The following WWOX variants were observed in gnomAD, a reference collection of about 807,000 sequenced individuals.
WWOX encodes WW domain containing oxidoreductase.
A neutral mutation model predicts 46.2 loss-of-function variants in WWOX; 69 were observed. The ratio of observed to expected loss-of-function variants is 1.49; its 90% CI spans 1.23 to 1.82. The LOEUF is 1.82. WWOX is among the 40% of genes most tolerant of loss of function. The probability of loss-of-function intolerance (pLI) is 0.00; values close to 1 mark genes in which losing one functional copy is unlikely to be tolerated. For missense variants in WWOX, 919 were observed against 542.6 expected, an observed-to-expected ratio of 1.69 and a Z score of -6.89; for synonymous variants, 359 against 202.6, an observed-to-expected ratio of 1.77 and a Z score of -6.56.
chr16:78,515,171 C>T (rs962459091), intron 8 of WWOX, among the ~76,000 whole-genome samples: 5 of 152,176 alleles, frequency 3.3e-5, no homozygotes, highest in African/African-American at 4.8e-5. Flanking sequence ...TTACAGTGAA[C>T]CGAGATCGTG....
At chr16:78,431,376 T>G (rs1182503446) in intron 7 of WWOX, among the ~76,000 whole-genome samples, 1 of 152,222 alleles carries the variant, frequency 6.6e-6, no homozygotes, top group Non-Finnish European at 1.5e-5. Context: ...TAATTTTTAA[T>G]CTAGAAAAGA....
chr16:78,317,351 G>A (rs2151880583), intron 5 of WWOX, among the ~76,000 whole-genome samples: 1 of 152,194 alleles, frequency 6.6e-6, no homozygotes, highest in African/African-American at 2.4e-5. Flanking sequence ...TTCTTCCCCA[G>A]GGGTGATTGT....
intron 8 of WWOX, among the ~76,000 whole-genome samples, chr16:79,161,328 A>G (rs1327979652): frequency 6.6e-6 from 1 of 152,122 alleles, no homozygotes; most frequent in East Asian, 1.9e-4. Context: ...TCTAGGATGG[A>G]CGTCATTGTA....
At chr16:78,810,425 A>C (rs1372773517) in intron 8 of WWOX, among the ~76,000 whole-genome samples, 1 of 152,234 alleles carries the variant, frequency 6.6e-6, no homozygotes, top group Non-Finnish European at 1.5e-5. Context: ...GGCAGTTCAT[A>C]TAAGCTATCA....
intron 8 of WWOX, among the ~76,000 whole-genome samples, chr16:78,795,737 C>A (rs969590194): frequency 6.6e-6 from 1 of 152,090 alleles, no homozygotes; most frequent in Non-Finnish European, 1.5e-5. Context: ...ATTTCTCAAC[C>A]TCAGGTTTTT....
chr16:78,658,222 A>C (rs2047125313), intron 8 of WWOX, among the ~76,000 whole-genome samples: 1 of 152,206 alleles, frequency 6.6e-6, no homozygotes, highest in South Asian at 2.1e-4. Flanking sequence ...CCCCTGCTTT[A>C]TCCTCTTACA....
chr16:78,714,862 C>T (rs565881096), intron 8 of WWOX, among the ~76,000 whole-genome samples: 2 of 152,110 alleles, frequency 1.3e-5, no homozygotes, highest in South Asian at 4.2e-4. Context: ...GGTTTTAAGC[C>T]AGAGAGAGAT....
chr16:78,545,767 A>G (rs1053657221), intron 8 of WWOX, among the ~76,000 whole-genome samples: 2 of 152,188 alleles, frequency 1.3e-5, no homozygotes, highest in Non-Finnish European at 2.9e-5. Context: ...AGTTGCTGGC[A>G]GGGTCTCTCT....
chr16:78,663,193 G>T (rs1348426808), intron 8 of WWOX, among the ~76,000 whole-genome samples: 1 of 152,136 alleles, frequency 6.6e-6, no homozygotes, highest in African/African-American at 2.4e-5. Context: ...ACTACTCATT[G>T]ACTTTGTTTC....
intron 5 of WWOX, among the ~76,000 whole-genome samples, chr16:78,353,508 C>T (rs28569298): frequency 0.014 from 2,126 of 152,320 alleles, 49 homozygotes; most frequent in African/African-American, 0.049. Flanking sequence ...TGTCCCTTCT[C>T]CTCTAGCCAG....
intron 8 of WWOX, among the ~76,000 whole-genome samples, chr16:78,758,279 C>G (rs571500671): frequency 1.9e-4 from 29 of 152,202 alleles, no homozygotes; most frequent in Admixed American, 1.7e-3. Flanking sequence ...TACTCTAAGC[C>G]CAATGCTTGT....
At chr16:78,994,449 G>C (rs1325219709) in intron 8 of WWOX, 3 of 152,104 alleles carry the variant, frequency 2.0e-5, no homozygotes, top group Non-Finnish European at 4.4e-5. Context: ...ATTTTAACAG[G>C]GAGCCCTGAC....
intron 8 of WWOX, among the ~76,000 whole-genome samples, chr16:78,598,056 C>G (rs1236674526): frequency 2.6e-5 from 4 of 152,128 alleles, no homozygotes; most frequent in Non-Finnish European, 4.4e-5. Flanking sequence ...AATCTCCAGA[C>G]TGCGCTTCAT....
At chr16:78,465,321 G>C (rs2084049189) in intron 8 of WWOX, among the ~76,000 whole-genome samples, 1 of 152,204 alleles carries the variant, frequency 6.6e-6, no homozygotes, top group Non-Finnish European at 1.5e-5. Context: ...TTCTGAATGT[G>C]GCCCTGAGGG....
chr16:78,432,230 G>C (rs1042236981), intron 7 of WWOX, among the ~76,000 whole-genome samples: 33 of 150,776 alleles, frequency 2.2e-4, no homozygotes, highest in African/African-American at 8.1e-4. Flanking sequence ...TGATTCTCTT[G>C]CTTCAGATTC....
rs898972025 is a variant in WWOX, at chr16:79,170,326, C to T, written c.1057-41282C>T. Among the ~76,000 whole-genome samples the T allele has an allele frequency of 3.3e-5, 5 of 152,180 alleles. 1 individual carries two copies. Among genetic ancestry groups the T allele is most frequent in the Admixed American group, 3.3e-4 (5 of 15,280 alleles). On this transcript the variant is annotated intron_variant, in intron 8 of 8. Transcript: ENST00000566780. ...GATCAGAGAAGCTACGTGATCTATG[C>T]AAGGTCCCCCAGCTAGGAAGTAGCA...
chr16:78,539,138 ATGT>A (rs1430332269), intron 8 of WWOX, among the ~76,000 whole-genome samples: 8 of 152,296 alleles, frequency 5.3e-5, no homozygotes, highest in African/African-American at 1.7e-4. Flanking sequence ...GCCTTTAATG[ATGT>A]TTTATTGAAT....
chr16:79,131,727 A>G (rs1242418842), intron 8 of WWOX, among the ~76,000 whole-genome samples: 2 of 152,196 alleles, frequency 1.3e-5, no homozygotes, highest in Non-Finnish European at 1.5e-5. Context: ...AAGCAGCAGT[A>G]TATCTCTTTA....
chr16:79,162,753 C>A (rs2050512334), intron 8 of WWOX, among the ~76,000 whole-genome samples: 1 of 152,168 alleles, frequency 6.6e-6, no homozygotes, highest in African/African-American at 2.4e-5. Context: ...GGGCATCCTG[C>A]AAATTTGCTG....
Sources: allele counts gnomAD v4.1 joint callset (sites outside exome capture counted in the v4.1 genomes callset), GRCh38; gene constraint gnomAD v4.1.1; transcripts MANE v1.5; gene names NCBI Gene and HGNC (gene_info 2026-07-23, HGNC 2026-07-21).